The following SHTN1 variants were observed in gnomAD, a reference collection of about 807,000 sequenced individuals.
The protein encoded by SHTN1 is shootin 1.
A neutral mutation model predicts 83.1 loss-of-function variants in SHTN1; 42 were observed. The ratio of observed to expected loss-of-function variants is 0.51; its 90% CI spans 0.39 to 0.65. The LOEUF is 0.65. SHTN1 is among the 30% of genes least tolerant of loss of function. The pLI, the probability that SHTN1 is intolerant of heterozygous loss-of-function variation, is 0.00. For missense variants in SHTN1, 622 were observed against 737.8 expected (o/e 0.84, Z 1.82); for synonymous variants, 224 against 247.7 (o/e 0.90, Z 0.90).
At chr10:117,012,722 G>A (rs944130346) in intron 2 of SHTN1, among the ~76,000 whole-genome samples, 2 of 151,806 alleles carry the variant, frequency 1.3e-5, no homozygotes, top group Admixed American at 6.6e-5. Flanking sequence ...TGCCAAAAGC[G>A]TAATCAATAA....
chr10:116,972,028 T>A (rs953059330), intron 2 of SHTN1, among the ~76,000 whole-genome samples: 2 of 152,150 alleles, frequency 1.3e-5, no homozygotes, highest in Non-Finnish European at 2.9e-5. Flanking sequence ...TGCATGACAA[T>A]TTTAGGTAGG....
chr10:116,933,267 C>T (rs533062623), intron 9 of SHTN1, among the ~76,000 whole-genome samples: 1 of 152,132 alleles, frequency 6.6e-6, no homozygotes, highest in African/African-American at 2.4e-5. Flanking sequence ...TTGCTGCACC[C>T]ATCAACCTGT....
intron 1 of SHTN1, 23 bp downstream of exon 1, chr10:117,004,999 C>T (rs766119470): frequency 6.3e-7 from 1 of 1,580,568 alleles, no homozygotes; most frequent in South Asian, 1.2e-5. Flanking sequence ...GCTGCCCACA[C>T]CTGGCGCCCG....
intron 9 of SHTN1, among the ~76,000 whole-genome samples, chr10:116,938,112 C>T (rs1269255013): frequency 6.6e-6 from 1 of 151,882 alleles, no homozygotes; most frequent in African/African-American, 2.4e-5. Flanking sequence ...TTAGAACATG[C>T]TCCTTTAACT....
chr10:117,036,584 A>C (rs936753724), intron 2 of SHTN1, among the ~76,000 whole-genome samples: 1 of 152,156 alleles, frequency 6.6e-6, no homozygotes, highest in Non-Finnish European at 1.5e-5. Flanking sequence ...TAAAACTCAA[A>C]ACAATTGAAC....
chr10:117,043,856 TAAAC>T (rs1041211862), intron 2 of SHTN1, among the ~76,000 whole-genome samples: 18 of 151,458 alleles, frequency 1.2e-4, no homozygotes, highest in East Asian at 9.7e-4. Flanking sequence ...AATAAATAAA[TAAAC>T]AAACAAACAA....
At chr10:117,015,227 C>A (rs948144845) in intron 2 of SHTN1, among the ~76,000 whole-genome samples, 10 of 152,318 alleles carry the variant, frequency 6.6e-5, no homozygotes, top group Admixed American at 2.0e-4. Context: ...TTGCTACTTT[C>A]TCAGCTGTAC....
At chr10:116,886,697 T>C (rs1012645995) in intron 16 of SHTN1, 131 bp from the exon 17 acceptor site, 3 of 1,226,548 alleles carry the variant, frequency 2.4e-6, no homozygotes, top group Non-Finnish European at 3.4e-6. Context: ...ATAGTAGTCT[T>C]TGAGATGCCA....
At chr10:117,025,415 C>G (rs1852321104) in intron 2 of SHTN1, among the ~76,000 whole-genome samples, 1 of 152,218 alleles carries the variant, frequency 6.6e-6, no homozygotes, top group Non-Finnish European at 1.5e-5. Context: ...AGCTTCGCCA[C>G]TGTGGGCTAA....
At chr10:116,972,862 A>C (rs1220970701) in intron 2 of SHTN1, among the ~76,000 whole-genome samples, 1 of 152,158 alleles carries the variant, frequency 6.6e-6, no homozygotes, top group Non-Finnish European at 1.5e-5. Context: ...GCTCTTTATG[A>C]AGGGATGAAT....
chr10:116,923,704 C>CCA (rs1357935140), intron 11 of SHTN1, among the ~76,000 whole-genome samples: 1 of 152,064 alleles, frequency 6.6e-6, no homozygotes, highest in Non-Finnish European at 1.5e-5. Context: ...TACAGGTACA[C>CCA]CACCACTCCT....
At chr10:117,014,948 G>A (rs1852160849) in intron 2 of SHTN1, among the ~76,000 whole-genome samples, 1 of 152,230 alleles carries the variant, frequency 6.6e-6, no homozygotes, top group Admixed American at 6.5e-5. Context: ...ACTGCAAAGT[G>A]ATGGAAGAAG....
chr10:117,078,484 T>C (rs983538002), intron 1 of SHTN1, among the ~76,000 whole-genome samples: 1 of 152,216 alleles, frequency 6.6e-6, no homozygotes, highest in African/African-American at 2.4e-5. Flanking sequence ...GGCCACATCA[T>C]TATAGCACTT....
chr10:117,000,662 G>A (rs1851792526), intron 1 of SHTN1, among the ~76,000 whole-genome samples: 1 of 152,168 alleles, frequency 6.6e-6, no homozygotes, highest in Admixed American at 6.5e-5. Context: ...GCAGACATGT[G>A]TTGTCTGTGT....
intron 1 of SHTN1, among the ~76,000 whole-genome samples, chr10:117,096,723 C>T (rs970808240): frequency 6.6e-6 from 1 of 152,204 alleles, no homozygotes; most frequent in Non-Finnish European, 1.5e-5. Flanking sequence ...GGAGCCGCCA[C>T]CAGGCTGCCT....
chr10:116,990,287 C>CTTTTTTTTTTTTTTTTTT (rs11399364), intron 1 of SHTN1, among the ~76,000 whole-genome samples: 77 of 119,768 alleles, frequency 6.4e-4, no homozygotes, highest in Non-Finnish European at 7.6e-4. Context: ...TTTTTTCTTT[C>CTTTTTTTTTTTTTTTTTT]TTTTTTTTTT....
rs1394568038 is a variant in SHTN1 at position 116,973,819 on chromosome 10, G to A, written c.112-5107C>T. 1.9e-5 allele frequency: 22 copies of A among 1,188,052 alleles called. No individual in the cohort carries two copies. In the South Asian group the frequency reaches 2.4e-4, roughly 13 times the overall value. The allele number at this position is 1,188,052 out of a possible 1,614,324, so 73.6% of individuals were successfully genotyped here. A position where few individuals can be genotyped will look rare whatever the true frequency, so the allele number is the denominator to read the frequency against. On this transcript the variant is annotated intron_variant, in intron 2 of 16. Coordinates refer to ENST00000355371, the MANE Select transcript of SHTN1 (RefSeq NM_001127211.3). ...TTACAACAGTTAAAGATTTAAACAT[G>A]CCCAGCATCAGAATTGTGTGTACTT...
chr10:117,093,011 T>C (rs570497345), intron 1 of SHTN1, among the ~76,000 whole-genome samples: 5 of 152,178 alleles, frequency 3.3e-5, no homozygotes, highest in Non-Finnish European at 5.9e-5. Flanking sequence ...CCAATACTTA[T>C]AGAGTCCTAA....
chr10:117,109,070 A>G (rs574260784), intron 1 of SHTN1, among the ~76,000 whole-genome samples: 2 of 152,306 alleles, frequency 1.3e-5, no homozygotes, highest in East Asian at 1.9e-4. Flanking sequence ...GATGCACACT[A>G]AAGTTTAAGA....
Sources: allele counts gnomAD v4.1 joint callset (sites outside exome capture counted in the v4.1 genomes callset), GRCh38; gene constraint gnomAD v4.1.1; transcripts MANE v1.5; gene names NCBI Gene and HGNC (gene_info 2026-07-23, HGNC 2026-07-21).